The following COL4A2 variants were observed in gnomAD, a reference collection of about 807,000 sequenced individuals.
COL4A2 encodes collagen type IV alpha 2 chain.
In COL4A2, 99 loss-of-function variants were observed where a neutral mutation model predicts 200.2. That is an observed-to-expected ratio of 0.49 (90% CI 0.42 to 0.58). The LOEUF is 0.58. Ranked by LOEUF, COL4A2 falls within the 20% of genes least tolerant of loss-of-function variation. The pLI, the probability that COL4A2 is intolerant of heterozygous loss-of-function variation, is 0.00. For missense variants in COL4A2, 1,950 were observed against 2,314.1 expected (o/e 0.84, Z 3.23); for synonymous variants, 897 against 900.6 (o/e 1.00, Z 0.07).
chr13:110,411,648 C>G (rs566690857), intron 4 of COL4A2, among the ~76,000 whole-genome samples: 4 of 152,088 alleles, frequency 2.6e-5, no homozygotes, highest in Non-Finnish European at 5.9e-5. Context: ...TGGTTTTGTA[C>G]GGATTTCCAT....
At chr13:110,368,238 G>A (rs1877838956) in intron 4 of COL4A2, among the ~76,000 whole-genome samples, 1 of 152,072 alleles carries the variant, frequency 6.6e-6, no homozygotes, top group South Asian at 2.1e-4. Flanking sequence ...GTAACTTAAG[G>A]AAAGACAAAA....
chr13:110,324,146 A>G (rs2139354488), intron 3 of COL4A2, among the ~76,000 whole-genome samples: 1 of 152,260 alleles, frequency 6.6e-6, no homozygotes, highest in East Asian at 1.9e-4. Flanking sequence ...AAGGGAAGCC[A>G]GGCATCTGGC....
At position 110,503,096 on chromosome 13, in the gene COL4A2, C is replaced by T. The variant is rs373231627; in HGVS notation, c.3878-25C>T. 1.2e-5 allele frequency: 20 copies of T among 1,610,528 alleles called. No homozygotes were observed. In the African/African-American group the frequency reaches 1.6e-4, roughly 13 times the overall value. On this transcript the variant is annotated intron_variant, in intron 41 of 47. Coordinates refer to ENST00000360467, the MANE Select transcript of COL4A2 (RefSeq NM_001846.4). ...GGCCTTGGGGCCCTGTTTAAACCCTCCTTTCTTGTCCCTAATGCCAACAGG... is the reference window on the plus strand; with the variant it reads ...GGCCTTGGGGCCCTGTTTAAACCCTTCTTTCTTGTCCCTAATGCCAACAGG...
chr13:110,327,625 CAAAG>C (rs969115060), intron 3 of COL4A2, among the ~76,000 whole-genome samples: 27 of 152,116 alleles, frequency 1.8e-4, no homozygotes, highest in African/African-American at 6.5e-4. Context: ...GGTTGGAAAA[CAAAG>C]AAATTCAGCT....
intron 3 of COL4A2, among the ~76,000 whole-genome samples, chr13:110,332,078 C>T (rs1046676953): frequency 6.6e-6 from 1 of 152,124 alleles, no homozygotes; most frequent in Non-Finnish European, 1.5e-5. Context: ...GTTGTGTTTT[C>T]TGTATGTAAA....
chr13:110,390,200 A>G (rs1878934743), intron 4 of COL4A2, among the ~76,000 whole-genome samples: 2 of 152,208 alleles, frequency 1.3e-5, no homozygotes, highest in African/African-American at 4.8e-5. Context: ...GTCTACTTTT[A>G]TTGTCCTGTG....
chr13:110,465,653 C>T, intron 25 of COL4A2, 47 bp downstream of exon 25: 1 of 1,483,320 alleles, frequency 6.7e-7, no homozygotes. Flanking sequence ...TGAGACATTC[C>T]ACGCTTTCCT....
At chr13:110,351,925 G>C (rs1262661901) in intron 3 of COL4A2, among the ~76,000 whole-genome samples, 1 of 152,222 alleles carries the variant, frequency 6.6e-6, no homozygotes, top group Non-Finnish European at 1.5e-5. Context: ...TGTCAGCTGA[G>C]TAGGGACTAA....
Position 110,424,821 on chromosome 13 carries a change from A to T in COL4A2, c.268A>T (p.Lys90Ter). Reference sequence around the variant, plus strand: ...GGGACTGCAGGGACGTAAAGGAGACAAGGGTGAAAGGGGAGCCCCCGGAGT... The same window carrying T: ...GGGACTGCAGGGACGTAAAGGAGACTAGGGTGAAAGGGGAGCCCCCGGAGT... ...FPGLQGRKGD[K>*]GERGAPGVTG... Residue 90 changes from lysine to a stop codon, truncating the protein, a stop_gained, in exon 5 of 48, where the codon AAG (lysine) becomes TAG (stop). Transcript: ENST00000360467. LOFTEE classifies it high-confidence loss of function. The T allele has an allele frequency of 1.9e-6, 3 of 1,614,112 alleles. No individual in the cohort carries two copies. Among genetic ancestry groups the T allele is most frequent in the Non-Finnish European group, 2.5e-6 (3 of 1,179,944 alleles).
chr13:110,469,703 T>C (rs1008130441), intron 28 of COL4A2, among the ~76,000 whole-genome samples: 2 of 152,172 alleles, frequency 1.3e-5, no homozygotes, highest in Non-Finnish European at 2.9e-5. Context: ...TCTCACAATG[T>C]GGCTGCAAGA....
intron 3 of COL4A2, among the ~76,000 whole-genome samples, chr13:110,327,126 C>T (rs908943374): frequency 3.9e-5 from 6 of 152,118 alleles, no homozygotes; most frequent in African/African-American, 1.4e-4. Context: ...ACACACACCC[C>T]TCCTGCTCCA....
At chr13:110,406,891 C>G (rs1879592499) in intron 4 of COL4A2, among the ~76,000 whole-genome samples, 1 of 152,210 alleles carries the variant, frequency 6.6e-6, no homozygotes, top group Non-Finnish European at 1.5e-5. Context: ...GGAATTGAAC[C>G]TTGCTGGCTG....
intron 3 of COL4A2, among the ~76,000 whole-genome samples, chr13:110,347,717 C>T (rs1398160681): frequency 6.6e-6 from 1 of 152,264 alleles, no homozygotes; most frequent in Non-Finnish European, 1.5e-5. Context: ...AGGACCCAAG[C>T]TCCAGCACTA....
chr13:110,507,432 T>C (rs1883924512), intron 46 of COL4A2: 1 of 162,328 alleles, frequency 6.2e-6, no homozygotes, highest in Non-Finnish European at 1.4e-5. Flanking sequence ...TTTTCAGCAA[T>C]CCATGTGAAG....
intron 4 of COL4A2, among the ~76,000 whole-genome samples, chr13:110,391,549 T>C (rs1452901874): frequency 6.6e-6 from 1 of 152,162 alleles, no homozygotes; most frequent in African/African-American, 2.4e-5. Context: ...GAAGAAGAAA[T>C]TGAGTAGTGA....
At chr13:110,398,292 T>C (rs1474555879) in intron 4 of COL4A2, among the ~76,000 whole-genome samples, 2 of 152,146 alleles carry the variant, frequency 1.3e-5, no homozygotes, top group African/African-American at 4.8e-5. Flanking sequence ...CAACTGCCTA[T>C]AGAAATGACA....
rs146690666 is a variant in COL4A2 at position 110,355,843 on chromosome 13, G to T, written c.100-1629G>T. Among the ~76,000 whole-genome samples, 14 of 9,728 alleles carry T rather than the reference G, an allele frequency of 1.4e-3. 2 individuals carry two copies. The highest frequency in any genetic ancestry group is 8.6e-3 in the South Asian group (2 of 232). 6.4% of individuals were successfully genotyped at this position (9,728 alleles called of 152,430 possible). On this transcript the variant is annotated intron_variant, in intron 3 of 47. Coordinates refer to ENST00000360467, the MANE Select transcript of COL4A2 (RefSeq NM_001846.4). ...GCTGCACTAGCTCACCTGTGTGTGG[G>T]GGGGAGGGCTGTACTAGCTCACCTG...
In COL4A2 at chr13:110,503,901, C is replaced by T. The variant is rs867366608; in HGVS notation, c.4193C>T (p.Ala1398Val). The change falls in exon 44 of 48, where the codon GCC becomes GTC. Residue 1398 changes from alanine to valine, a missense_variant. Physicochemically the swap from Ala to Val is moderately conservative, Grantham distance 64 (BLOSUM62 0). Transcript: ENST00000360467. ...PGIAGIPQKIAVQPGTVGPQG... is the reference protein window; with the variant it reads ...PGIAGIPQKIVVQPGTVGPQG... ...ATTGCAGGAATCCCCCAGAAGATTG[C>T]CGTCCAACCAGGGACAGTGGGTCCC... 6.2e-7 allele frequency: 1 copy of T among 1,613,200 alleles called. No individual in the cohort carries two copies. The highest frequency in any genetic ancestry group is 8.5e-7 in the Non-Finnish European group (1 of 1,179,448).
chr13:110,371,191 C>T (rs1381228613), intron 4 of COL4A2, among the ~76,000 whole-genome samples: 1 of 152,188 alleles, frequency 6.6e-6, no homozygotes, highest in Non-Finnish European at 1.5e-5. Flanking sequence ...GCATCCTTTC[C>T]TAGCAGCCGC....
Sources: gnomAD v4.1 joint callset for allele counts (sites outside exome capture counted in the v4.1 genomes callset) on GRCh38, gnomAD v4.1.1 for gene constraint, MANE v1.5 for transcripts, NCBI Gene and HGNC (gene_info 2026-07-23, HGNC 2026-07-21) for gene names.